DIP2C: variants seen among roughly 807,000 people sequenced by gnomAD.
The protein encoded by DIP2C is disco-interacting protein 2 homolog C.
DIP2C carries 33 observed loss-of-function variants against 192.4 expected under a neutral mutation model. That is an observed-to-expected ratio of 0.17 (90% confidence interval 0.13 to 0.23). DIP2C has a LOEUF of 0.23. Among genes scored for constraint, DIP2C ranks in the 10% least tolerant of loss-of-function variants. The probability of loss-of-function intolerance (pLI) is 1.00; values close to 1 mark genes in which losing one functional copy is unlikely to be tolerated. For synonymous variants in DIP2C, 979 were observed against 864.1 expected, an observed-to-expected ratio of 1.13 and a Z score of -2.33; for missense variants, 1,537 against 2,110.1, an observed-to-expected ratio of 0.73 and a Z score of 5.32.
intron 1 of DIP2C, among the ~76,000 whole-genome samples, chr10:627,790 C>T (rs776792502): frequency 6.4e-4 from 98 of 152,266 alleles, no homozygotes; most frequent in Non-Finnish European, 1.3e-3. Flanking sequence ...GGCTCAGCCA[C>T]GTGGACGCTT....
In DIP2C at chr10:625,644, A is replaced by G. The variant is rs78358730; in HGVS notation, c.85+63850T>C. Among the ~76,000 whole-genome samples, 42 of 152,284 alleles carry G rather than the reference A, an allele frequency of 2.8e-4. No individual in the cohort carries two copies. In the East Asian group the frequency reaches 7.5e-3, roughly 27 times the overall value. On this transcript the variant is annotated intron_variant, in intron 1 of 36. Transcript: ENST00000280886. Reference sequence around the variant, plus strand: ...GCCTGCAGAAGATGCTAAGCCATGCACGGCCTCACGCACACTGCGCTTCAA... The same window carrying G: ...GCCTGCAGAAGATGCTAAGCCATGCGCGGCCTCACGCACACTGCGCTTCAA...
At chr10:315,097 T>A (rs1488603472) in intron 31 of DIP2C, among the ~76,000 whole-genome samples, 3 of 152,248 alleles carry the variant, frequency 2.0e-5, no homozygotes, top group African/African-American at 4.8e-5. Flanking sequence ...TATTGCATTC[T>A]ATCTTCACAC....
intron 1 of DIP2C, among the ~76,000 whole-genome samples, chr10:557,179 TG>T (rs1848923732): frequency 6.6e-6 from 1 of 152,196 alleles, no homozygotes; most frequent in South Asian, 2.1e-4. Context: ...GGGATGTGCC[TG>T]GCAGCCCCAC....
intron 1 of DIP2C, among the ~76,000 whole-genome samples, chr10:633,947 C>A (rs1454185808): frequency 6.6e-6 from 1 of 152,222 alleles, no homozygotes; most frequent in Non-Finnish European, 1.5e-5. Flanking sequence ...TTAAAAGCTT[C>A]TCTCTTTTAT....
intron 4 of DIP2C, among the ~76,000 whole-genome samples, chr10:440,013 C>T (rs776352144): frequency 3.9e-5 from 6 of 152,156 alleles, no homozygotes; most frequent in African/African-American, 9.7e-5. Flanking sequence ...ATCAAAATCA[C>T]AGAAACTAAA....
intron 1 of DIP2C, among the ~76,000 whole-genome samples, chr10:527,723 T>C (rs1847137821): frequency 6.6e-6 from 1 of 152,244 alleles, no homozygotes; most frequent in African/African-American, 2.4e-5. Flanking sequence ...CAAGATGTTA[T>C]GAGATGAGTG....
In DIP2C at chr10:573,747, CAG is replaced by C. The variant is rs200934347; in HGVS notation, c.86-87219_86-87218del. 5.3e-4 allele frequency among the ~76,000 whole-genome samples: 80 copies of C among 152,020 alleles called. No individual in the cohort carries two copies. In the East Asian group the frequency reaches 0.012, roughly 22 times the overall value. On this transcript the variant is annotated intron_variant, in intron 1 of 36. Transcript: ENST00000280886. Reference sequence around the variant, plus strand: ...TTTCTTTTTAAGTGATTATGTGCTTCAGAGTCTTGTAGGTACTTAAAAAAAAA... The same window carrying C: ...TTTCTTTTTAAGTGATTATGTGCTTCAGTCTTGTAGGTACTTAAAAAAAAA...
intron 1 of DIP2C, among the ~76,000 whole-genome samples, chr10:601,063 T>C (rs941866925): frequency 2.6e-5 from 4 of 152,094 alleles, no homozygotes; most frequent in African/African-American, 9.6e-5. Context: ...TGGCGTACTC[T>C]GAAATGAATT....
intron 31 of DIP2C, among the ~76,000 whole-genome samples, chr10:311,831 C>T (rs1282109487): frequency 1.3e-5 from 2 of 152,330 alleles, no homozygotes; most frequent in East Asian, 1.9e-4. Flanking sequence ...CACGGAGCAA[C>T]AGAAGAGGGT....
intron 5 of DIP2C, among the ~76,000 whole-genome samples, chr10:420,599 T>C (rs972170923): frequency 6.6e-6 from 1 of 152,184 alleles, no homozygotes; most frequent in South Asian, 2.1e-4. Flanking sequence ...AGCTTGTAGA[T>C]GGACAGCGGG....
intron 4 of DIP2C, among the ~76,000 whole-genome samples, chr10:425,414 C>T (rs867693428): frequency 4.7e-5 from 7 of 149,238 alleles, no homozygotes; most frequent in South Asian, 2.2e-4. Flanking sequence ...ACGGATGATA[C>T]GGCATGACCA....
chr10:384,441 T>C (rs2132900415), intron 15 of DIP2C, 105 bp downstream of exon 15: 2 of 1,167,414 alleles, frequency 1.7e-6, no homozygotes, highest in Non-Finnish European at 1.2e-6. Context: ...TTTCTCCATA[T>C]TGGCCCGGGT....
chr10:378,249 A>G (rs979777821), intron 17 of DIP2C, among the ~76,000 whole-genome samples: 1 of 152,260 alleles, frequency 6.6e-6, no homozygotes, highest in Non-Finnish European at 1.5e-5. Context: ...CTAGGTGAAA[A>G]TACAGTTCAC....
chr10:327,941 A>AC (rs1253099378), intron 30 of DIP2C, among the ~76,000 whole-genome samples: 2 of 152,166 alleles, frequency 1.3e-5, no homozygotes, highest in African/African-American at 4.8e-5. Flanking sequence ...CTGTGGCACT[A>AC]CCTGGGCCGA....
At chr10:577,874 A>G (rs1850274347) in intron 1 of DIP2C, among the ~76,000 whole-genome samples, 1 of 151,832 alleles carries the variant, frequency 6.6e-6, no homozygotes, top group African/African-American at 2.4e-5. Flanking sequence ...ACCTTTTGGA[A>G]AGTTGGGAGC....
chr10:670,165 C>T (rs543646233), intron 1 of DIP2C, among the ~76,000 whole-genome samples: 1 of 152,192 alleles, frequency 6.6e-6, no homozygotes, highest in East Asian at 1.9e-4. Flanking sequence ...CACGTGCGCA[C>T]ATGCATGAAC....
In DIP2C at chr10:480,486, C is replaced by T. The variant is rs563324569; in HGVS notation, c.157+5973G>A. On this transcript the variant is annotated intron_variant, in intron 2 of 36. Coordinates refer to ENST00000280886, the MANE Select transcript of DIP2C (RefSeq NM_014974.3). ...GCTCACTGGATGACGGTCTCATCTA[C>T]CAGCCCGAGCTCCAGTCCACGCTCC... is the stretch of plus-strand genomic sequence containing the variant. Among the ~76,000 whole-genome samples the T allele has an allele frequency of 8.5e-5, 13 of 152,364 alleles. No individual in the cohort carries two copies. In the South Asian group the frequency reaches 2.5e-3, roughly 29 times the overall value.
intron 1 of DIP2C, among the ~76,000 whole-genome samples, chr10:541,623 T>C (rs1847993747): frequency 1.4e-5 from 2 of 142,154 alleles, no homozygotes; most frequent in African/African-American, 5.4e-5. Flanking sequence ...CACCCATCTC[T>C]CCTGGACCCC....
At chr10:406,700 G>A (rs1021778611) in intron 9 of DIP2C, among the ~76,000 whole-genome samples, 21 of 152,100 alleles carry the variant, frequency 1.4e-4, no homozygotes, top group Non-Finnish European at 2.2e-4. Context: ...TGCCTTTGTA[G>A]GACTAACAAA....
Sources: allele counts gnomAD v4.1 joint callset (sites outside exome capture counted in the v4.1 genomes callset), GRCh38; gene constraint gnomAD v4.1.1; transcripts MANE v1.5; gene names NCBI Gene and HGNC (gene_info 2026-07-23, HGNC 2026-07-21).